Variants in EGFLAM observed in about 807,000 individuals in gnomAD.
EGFLAM encodes EGF like, fibronectin type III and laminin G domains.
In EGFLAM, 79 loss-of-function variants were observed where a neutral mutation model predicts 113.1. The observed-to-expected ratio is 0.70, with a 90% CI of 0.58 to 0.84. The LOEUF (loss-of-function observed/expected upper bound fraction) is 0.84, where lower values mean the gene tolerates loss of function less well. EGFLAM is among the 40% of genes least tolerant of loss of function. The pLI, the probability that EGFLAM is intolerant of heterozygous loss-of-function variation, is 0.00. For synonymous variants in EGFLAM, 504 were observed against 487.6 expected (o/e 1.03, Z -0.44); for missense variants, 1,265 against 1,291.6 (o/e 0.98, Z 0.32).
chr5:38,339,154 G>A (rs576533328), intron 3 of EGFLAM, among the ~76,000 whole-genome samples: 17 of 151,828 alleles, frequency 1.1e-4, no homozygotes, highest in African/African-American at 4.1e-4. Flanking sequence ...TATCTTCCCA[G>A]CTGCCTGAAG....
At chr5:38,323,263 C>G (rs974193445) in intron 1 of EGFLAM, among the ~76,000 whole-genome samples, 1 of 152,162 alleles carries the variant, frequency 6.6e-6, no homozygotes, top group Non-Finnish European at 1.5e-5. Context: ...AGATGAATTT[C>G]GCTCAGAATT....
rs149455972 is a variant in EGFLAM at position 38,451,437 on chromosome 5, G to A, written c.2666G>A (p.Arg889Gln). ...AGCGACTTCATTTCCTTGGGCCTTC[G>A]GGATGGAGCCCTCGTGTTCAGGTAA... ...PNSDFISLGL[R>Q]DGALVFSYNL... Residue 889 changes from arginine to glutamine, a missense_variant, in exon 19 of 22, where the codon CGG becomes CAG. Arg to Gln is a conservative substitution (Grantham distance 43). Transcript: ENST00000322350. The A allele has an allele frequency of 1.2e-5, 20 of 1,614,028 alleles. No homozygotes were observed. The highest frequency in any genetic ancestry group is 2.7e-5 in the African/African-American group (2 of 74,934).
At chr5:38,340,356 T>C (rs1739304048) in intron 3 of EGFLAM, among the ~76,000 whole-genome samples, 1 of 152,200 alleles carries the variant, frequency 6.6e-6, no homozygotes, top group Non-Finnish European at 1.5e-5. Context: ...ATGTGGATGG[T>C]AGTTATCATT....
At chr5:38,358,320 A>G (rs1739819149) in intron 5 of EGFLAM, among the ~76,000 whole-genome samples, 2 of 151,476 alleles carry the variant, frequency 1.3e-5, no homozygotes, top group South Asian at 2.1e-4. Flanking sequence ...GGTGGCGGGC[A>G]CCTGTAGTCC....
At chr5:38,343,400 C>A (rs1739393562) in intron 3 of EGFLAM, among the ~76,000 whole-genome samples, 1 of 95,976 alleles carries the variant, frequency 1.0e-5, no homozygotes, top group South Asian at 3.7e-4. Context: ...GAGTGAAACT[C>A]CATCTCAAAA....
intron 6 of EGFLAM, among the ~76,000 whole-genome samples, chr5:38,377,710 A>G (rs999963022): frequency 3.9e-5 from 6 of 152,194 alleles, no homozygotes; most frequent in African/African-American, 7.2e-5. Flanking sequence ...ATGTGGTATA[A>G]ATAAGGAAAA....
chr5:38,349,154 A>G (rs1739551113), intron 3 of EGFLAM, among the ~76,000 whole-genome samples: 1 of 152,228 alleles, frequency 6.6e-6, no homozygotes, highest in Non-Finnish European at 1.5e-5. Flanking sequence ...GCTTGTGAAG[A>G]AAGTATAAGA....
chr5:38,336,961 A>G (rs1016204737), intron 1 of EGFLAM, among the ~76,000 whole-genome samples: 2 of 152,204 alleles, frequency 1.3e-5, no homozygotes, highest in African/African-American at 4.8e-5. Context: ...GGCAACCTGT[A>G]TATATTATTT....
At chr5:38,287,620 C>T (rs1432750255) in intron 1 of EGFLAM, among the ~76,000 whole-genome samples, 1 of 152,206 alleles carries the variant, frequency 6.6e-6, no homozygotes, top group Non-Finnish European at 1.5e-5. Flanking sequence ...GATCTGCCCA[C>T]CTCGGCCTCC....
intron 1 of EGFLAM, among the ~76,000 whole-genome samples, chr5:38,329,211 C>A (rs1272404463): frequency 2.0e-5 from 3 of 151,844 alleles, no homozygotes; most frequent in African/African-American, 7.3e-5. Context: ...ATCAACTGAG[C>A]CTGGGAGATG....
chr5:38,367,267 C>CT lies in EGFLAM; in HGVS notation c.546-3013dup, dbSNP rs746689355. Among the ~76,000 whole-genome samples the CT allele has an allele frequency of 1.6e-3, 227 of 137,928 alleles. 1 individual carries two copies. Among genetic ancestry groups the CT allele is most frequent in the Admixed American group, 4.4e-3 (60 of 13,644 alleles). 90.5% of individuals were successfully genotyped at this position (137,928 alleles called of 152,430 possible). A position where few individuals can be genotyped will look rare whatever the true frequency, so the allele number is the denominator to read the frequency against. On this transcript the variant is annotated intron_variant, in intron 5 of 21. Transcript: ENST00000322350. ...GCTCAAGCAATCCTCCCACCCCAGA[C>CT]TTTTTTTTTTTTTTTTAAGTTTTTT...
At chr5:38,265,669 T>G (rs970314348) in intron 1 of EGFLAM, among the ~76,000 whole-genome samples, 1 of 152,242 alleles carries the variant, frequency 6.6e-6, no homozygotes, top group Non-Finnish European at 1.5e-5. Context: ...GGGGTACTTT[T>G]GCTTCCTTGC....
chr5:38,300,075 A>T (rs62353569), intron 1 of EGFLAM, among the ~76,000 whole-genome samples: 26,209 of 152,126 alleles, frequency 0.17, 2,570 homozygotes, highest in Middle Eastern at 0.27. Flanking sequence ...GCAAAGAAAG[A>T]GAAGGGTTGC....
chr5:38,392,424 T>A (rs1740836960), intron 6 of EGFLAM, among the ~76,000 whole-genome samples: 1 of 152,228 alleles, frequency 6.6e-6, no homozygotes, highest in Non-Finnish European at 1.5e-5. Context: ...AACATCCGCA[T>A]GTATGTGTCT....
At chr5:38,389,178 C>T (rs980126421) in intron 6 of EGFLAM, among the ~76,000 whole-genome samples, 3 of 152,028 alleles carry the variant, frequency 2.0e-5, no homozygotes, top group African/African-American at 7.3e-5. Context: ...CAGGGATGAT[C>T]GAACTTGACA....
At position 38,370,424 on chromosome 5, in the gene EGFLAM, G is replaced by T. The variant is rs1354483543; in HGVS notation, c.674G>T (p.Ser225Ile). 1 of 1,614,158 alleles carries T rather than the reference G, an allele frequency of 6.2e-7. No individual in the cohort carries two copies. Residue 225 changes from serine (S) to isoleucine (I), a missense_variant, in exon 6 of 22, where the codon AGC becomes ATC. Physicochemically the swap from Ser to Ile is moderately radical, Grantham distance 142. Coordinates refer to ENST00000322350, the MANE Select transcript of EGFLAM (RefSeq NM_152403.4). Reference sequence around the variant, plus strand: ...AGGGCAATGAATTCCCATGGCCCCAGCCCCCGCAGCTGGCCCAGTGACATC... The same window carrying T: ...AGGGCAATGAATTCCCATGGCCCCATCCCCCGCAGCTGGCCCAGTGACATC... ...AVRAMNSHGP[S>I]PRSWPSDIIR...
intron 11 of EGFLAM, among the ~76,000 whole-genome samples, chr5:38,417,354 A>AAAAC (rs1554013045): frequency 1.6e-4 from 24 of 147,570 alleles, no homozygotes; most frequent in Non-Finnish European, 2.4e-4. Flanking sequence ...TCTCAAAAAA[A>AAAAC]AAAAAAAAAA....
At chr5:38,282,995 G>A (rs1471127140) in intron 1 of EGFLAM, among the ~76,000 whole-genome samples, 1 of 152,090 alleles carries the variant, frequency 6.6e-6, no homozygotes, top group Non-Finnish European at 1.5e-5. Flanking sequence ...GGGACTACAG[G>A]CATGTGCCAC....
chr5:38,423,112 C>T (rs983807939), intron 12 of EGFLAM, among the ~76,000 whole-genome samples: 2 of 152,186 alleles, frequency 1.3e-5, no homozygotes, highest in Non-Finnish European at 2.9e-5. Context: ...AAGCCAGGTC[C>T]TGTTCACAGC....
Sources: allele counts gnomAD v4.1 joint callset (sites outside exome capture counted in the v4.1 genomes callset), GRCh38; gene constraint gnomAD v4.1.1; transcripts MANE v1.5; gene names NCBI Gene and HGNC (gene_info 2026-07-23, HGNC 2026-07-21).